The following KHDRBS2 variants were observed in gnomAD, a reference collection of about 807,000 sequenced individuals.
KHDRBS2 encodes the protein KH RNA binding domain containing, signal transduction associated 2.
A neutral mutation model predicts 44.3 loss-of-function variants in KHDRBS2; 26 were observed. The ratio of observed to expected loss-of-function variants is 0.59; its 90% CI spans 0.43 to 0.81. KHDRBS2 has a LOEUF of 0.81. Among genes scored for constraint, KHDRBS2 ranks in the 40% least tolerant of loss-of-function variants. KHDRBS2 has a pLI of 0.00. For missense variants in KHDRBS2, 476 were observed against 433.1 expected, an observed-to-expected ratio of 1.10 and a Z score of -0.88; for synonymous variants, 194 against 151.1, an observed-to-expected ratio of 1.28 and a Z score of -2.08.
chr6:62,224,757 C>A (rs982620113), intron 1 of KHDRBS2, among the ~76,000 whole-genome samples: 1 of 152,162 alleles, frequency 6.6e-6, no homozygotes, highest in Non-Finnish European at 1.5e-5. Context: ...CCATTACTAA[C>A]TAAAAATTAG....
intron 3 of KHDRBS2, among the ~76,000 whole-genome samples, chr6:62,027,012 C>CTT (rs112885444): frequency 7.0e-6 from 1 of 143,782 alleles, no homozygotes; most frequent in Non-Finnish European, 1.5e-5. Context: ...TTCTTATTTC[C>CTT]TTTTTTTTTT....
intron 1 of KHDRBS2, among the ~76,000 whole-genome samples, chr6:62,225,214 G>A (rs1376767016): frequency 1.3e-5 from 2 of 152,142 alleles, no homozygotes; most frequent in Admixed American, 6.5e-5. Flanking sequence ...GGTCTAATCT[G>A]ATCAATCCAG....
At chr6:61,832,368 C>T (rs894039567) in intron 6 of KHDRBS2, among the ~76,000 whole-genome samples, 10 of 152,180 alleles carry the variant, frequency 6.6e-5, no homozygotes, top group Non-Finnish European at 1.2e-4. Flanking sequence ...TATATACCCT[C>T]TTATCTATAG....
chr6:62,202,228 A>C (rs1388142595), intron 1 of KHDRBS2, among the ~76,000 whole-genome samples: 3 of 152,116 alleles, frequency 2.0e-5, no homozygotes, highest in Admixed American at 6.6e-5. Flanking sequence ...GAATTTTGAA[A>C]TGAATTCTTT....
chr6:61,608,312 A>T, the KHDRBS2 span, among the ~76,000 whole-genome samples: 2 of 146,748 alleles, frequency 1.4e-5, no homozygotes, highest in Admixed American at 1.4e-4. Context: ...GTGTATATAT[A>T]TGTGTGTATA....
In KHDRBS2 at chr6:62,170,827, G is replaced by C. The variant is rs150174717; in HGVS notation, c.219+6358C>G. ...CTGGGTACCAGCCCACTCAAGGTAA[G>C]AGCATGTAGCCCAGGAGTGCAGAAC... On this transcript the variant is annotated intron_variant, in intron 2 of 8. Coordinates refer to ENST00000281156, the MANE Select transcript of KHDRBS2 (RefSeq NM_152688.4). Among the ~76,000 whole-genome samples the C allele has an allele frequency of 2.5e-3, 382 of 152,134 alleles. 3 individuals carry two copies. The highest frequency in any genetic ancestry group is 8.4e-3 in the African/African-American group (350 of 41,506).
chr6:61,595,558 T>A, the KHDRBS2 span, among the ~76,000 whole-genome samples: 22 of 152,210 alleles, frequency 1.4e-4, no homozygotes, highest in South Asian at 4.6e-3. Context: ...ACTTTGCATA[T>A]AAAATTATTT....
chr6:61,631,559 T>C, the KHDRBS2 span, among the ~76,000 whole-genome samples: 1 of 152,102 alleles, frequency 6.6e-6, no homozygotes, highest in African/African-American at 2.4e-5. Flanking sequence ...TGTTCAGAGA[T>C]GAGTTGGTAT....
At chr6:61,789,599 T>C (rs1784329368) in intron 6 of KHDRBS2, among the ~76,000 whole-genome samples, 1 of 151,450 alleles carries the variant, frequency 6.6e-6, no homozygotes, top group Non-Finnish European at 1.5e-5. Context: ...AAGGTATGCG[T>C]TTCAACATTT....
chr6:61,560,939 G>C, the KHDRBS2 span, among the ~76,000 whole-genome samples: 1 of 152,052 alleles, frequency 6.6e-6, no homozygotes, highest in African/African-American at 2.4e-5. Context: ...ATCTGAGCTT[G>C]TTTGTACCCC....
At chr6:62,197,831 T>C (rs1382959092) in intron 1 of KHDRBS2, among the ~76,000 whole-genome samples, 1 of 152,104 alleles carries the variant, frequency 6.6e-6, no homozygotes, top group Non-Finnish European at 1.5e-5. Context: ...GACCACATAG[T>C]TGGAAGTAAA....
chr6:62,203,036 A>T (rs1289527540), intron 1 of KHDRBS2, among the ~76,000 whole-genome samples: 9 of 152,124 alleles, frequency 5.9e-5, no homozygotes, highest in Non-Finnish European at 1.2e-4. Flanking sequence ...CTATAACCCC[A>T]GCTCTTGGAA....
At chr6:62,275,264 T>C (rs1219280158) in intron 1 of KHDRBS2, among the ~76,000 whole-genome samples, 2 of 152,126 alleles carry the variant, frequency 1.3e-5, no homozygotes, top group Non-Finnish European at 2.9e-5. Flanking sequence ...TCCAAAGCAA[T>C]ATCATAATAA....
intron 2 of KHDRBS2, among the ~76,000 whole-genome samples, chr6:62,063,496 A>G (rs1792617835): frequency 6.6e-6 from 1 of 151,150 alleles, no homozygotes; most frequent in South Asian, 2.1e-4. Context: ...AATAAATGTA[A>G]TCCAGCATAT....
At chr6:61,952,157 C>T (rs1475447765) in intron 4 of KHDRBS2, among the ~76,000 whole-genome samples, 1 of 152,026 alleles carries the variant, frequency 6.6e-6, no homozygotes, top group African/African-American at 2.4e-5. Context: ...TAGCAGAACA[C>T]TTTGTTCCAT....
chr6:61,850,113 A>T (rs531254544), intron 6 of KHDRBS2, among the ~76,000 whole-genome samples: 1 of 152,224 alleles, frequency 6.6e-6, no homozygotes, highest in African/African-American at 2.4e-5. Flanking sequence ...CCATCTTTGG[A>T]TTACCTTTCA....
the KHDRBS2 span, among the ~76,000 whole-genome samples, chr6:61,608,601 C>G: frequency 4.6e-5 from 7 of 151,798 alleles, no homozygotes; most frequent in African/African-American, 7.3e-5. Context: ...CCCCCACCCC[C>G]CAACAGGCCC....
intron 2 of KHDRBS2, among the ~76,000 whole-genome samples, chr6:62,160,467 A>G (rs1250323391): frequency 6.6e-6 from 1 of 152,168 alleles, no homozygotes; most frequent in Non-Finnish European, 1.5e-5. Context: ...CAAAATGAAT[A>G]AACAAGGCAA....
the KHDRBS2 span, among the ~76,000 whole-genome samples, chr6:61,585,814 T>C: frequency 6.6e-6 from 1 of 152,140 alleles, no homozygotes; most frequent in Non-Finnish European, 1.5e-5. Flanking sequence ...CTTATAATAA[T>C]TGGTATAATT....
Sources: allele counts gnomAD v4.1 joint callset (sites outside exome capture counted in the v4.1 genomes callset), GRCh38; gene constraint gnomAD v4.1.1; transcripts MANE v1.5; gene names NCBI Gene and HGNC (gene_info 2026-07-23, HGNC 2026-07-21).